PIK3C2G: variants seen among roughly 807,000 people sequenced by gnomAD.
PIK3C2G encodes phosphatidylinositol-4-phosphate 3-kinase catalytic subunit type 2 gamma, also known as phosphatidylinositol 3-kinase C2 domain-containing subunit gamma.
In PIK3C2G, 168 loss-of-function variants were observed where a neutral mutation model predicts 181.1. The ratio of observed to expected loss-of-function variants is 0.93; its 90% confidence interval spans 0.82 to 1.05. The LOEUF is 1.05. Ranked by LOEUF, PIK3C2G falls within the 50% of genes least tolerant of loss-of-function variation. PIK3C2G has a pLI of 0.00. For missense variants in PIK3C2G, 1,869 were observed against 1,732.8 expected, an observed-to-expected ratio of 1.08 and a Z score of -1.40; for synonymous variants, 573 against 592.2, an observed-to-expected ratio of 0.97 and a Z score of 0.47.
At chr12:18,374,832 G>A (rs1011839306) in intron 13 of PIK3C2G, among the ~76,000 whole-genome samples, 2 of 152,048 alleles carry the variant, frequency 1.3e-5, no homozygotes, top group Non-Finnish European at 2.9e-5. Context: ...GGAAGTGTGT[G>A]GCACCTCCTC....
At chr12:18,542,859 G>T (rs1404906881) in intron 25 of PIK3C2G, among the ~76,000 whole-genome samples, 2 of 151,922 alleles carry the variant, frequency 1.3e-5, no homozygotes, top group African/African-American at 4.8e-5. Context: ...AAATAGTGCT[G>T]CAGTGAACAT....
chr12:18,443,003 C>G (rs1312406932), intron 18 of PIK3C2G, among the ~76,000 whole-genome samples: 1 of 152,070 alleles, frequency 6.6e-6, no homozygotes, highest in Non-Finnish European at 1.5e-5. Flanking sequence ...TCCCACGTAG[C>G]TGGGATTACA....
intron 16 of PIK3C2G, among the ~76,000 whole-genome samples, chr12:18,410,042 C>T (rs941343562): frequency 6.6e-6 from 1 of 152,170 alleles, no homozygotes; most frequent in Non-Finnish European, 1.5e-5. Context: ...CAAGGCCCTA[C>T]CTCCAGCACA....
At chr12:18,693,325 C>T in the PIK3C2G span, 3 of 1,546,680 alleles carry the variant, frequency 1.9e-6, no homozygotes, top group Middle Eastern at 4.0e-4. Context: ...CCCCAAGAGA[C>T]CTATGCAGAT....
intron 31 of PIK3C2G, among the ~76,000 whole-genome samples, chr12:18,617,601 A>G (rs1261965257): frequency 6.6e-6 from 1 of 152,180 alleles, no homozygotes; most frequent in Non-Finnish European, 1.5e-5. Context: ...AGATTGTATT[A>G]TAGCATTAGC....
At chr12:18,467,909 A>G (rs1390572432) in intron 18 of PIK3C2G, among the ~76,000 whole-genome samples, 1 of 152,038 alleles carries the variant, frequency 6.6e-6, no homozygotes, top group Non-Finnish European at 1.5e-5. Context: ...TCATGATACC[A>G]TTATTATAAT....
chr12:18,713,217 A>G, the PIK3C2G span, among the ~76,000 whole-genome samples: 2 of 152,016 alleles, frequency 1.3e-5, no homozygotes, highest in Admixed American at 6.6e-5. Context: ...TCGCTAGTCA[A>G]ATGTTTTACT....
intron 31 of PIK3C2G, among the ~76,000 whole-genome samples, chr12:18,610,049 T>C (rs1487073465): frequency 6.6e-6 from 1 of 152,066 alleles, no homozygotes; most frequent in Non-Finnish European, 1.5e-5. Flanking sequence ...AATCTGTAGT[T>C]AGCCTCCAAA....
chr12:18,639,033 T>A (rs1283404580), intron 31 of PIK3C2G, among the ~76,000 whole-genome samples: 1 of 151,846 alleles, frequency 6.6e-6, no homozygotes, highest in Non-Finnish European at 1.5e-5. Context: ...ATTATACCAT[T>A]GATAGATTTC....
intron 18 of PIK3C2G, among the ~76,000 whole-genome samples, chr12:18,456,134 C>T (rs905947335): frequency 6.6e-6 from 1 of 152,066 alleles, no homozygotes; most frequent in African/African-American, 2.4e-5. Context: ...AGTTTACTGA[C>T]CTATTTAAAG....
At chr12:18,411,492 A>G in intron 16 of PIK3C2G, among the ~76,000 whole-genome samples, 1 of 152,190 alleles carries the variant, frequency 6.6e-6, no homozygotes, top group East Asian at 1.9e-4. Flanking sequence ...TCATCTTAAA[A>G]AAATCCTATT....
At chr12:18,353,631 TA>T (rs2137721424) in intron 11 of PIK3C2G, among the ~76,000 whole-genome samples, 2 of 152,268 alleles carry the variant, frequency 1.3e-5, no homozygotes, top group African/African-American at 2.4e-5. Context: ...ATCTCTACTG[TA>T]AAAACCGAGT....
intron 11 of PIK3C2G, among the ~76,000 whole-genome samples, chr12:18,353,036 C>A (rs1940378800): frequency 6.6e-6 from 1 of 152,172 alleles, no homozygotes; most frequent in African/African-American, 2.4e-5. Context: ...CATGTTCTCA[C>A]TTTGGGCCGC....
At chr12:18,642,743 A>G (rs1949905293) in intron 32 of PIK3C2G, among the ~76,000 whole-genome samples, 1 of 151,632 alleles carries the variant, frequency 6.6e-6, no homozygotes, top group African/African-American at 2.4e-5. Context: ...GTTACCTCTA[A>G]AATGATGTGT....
At chr12:18,542,916 T>C (rs906161274) in intron 25 of PIK3C2G, among the ~76,000 whole-genome samples, 2 of 152,012 alleles carry the variant, frequency 1.3e-5, no homozygotes, top group Admixed American at 6.6e-5. Flanking sequence ...CACAATGAGA[T>C]TGCTGTGTCT....
At chr12:18,683,317 A>T in the PIK3C2G span, 1 of 1,612,432 alleles carries the variant, frequency 6.2e-7, no homozygotes, top group Non-Finnish European at 8.5e-7. Context: ...GAGGAATACG[A>T]CGATAACCTG....
At chr12:18,602,356 C>A (rs907183596) in intron 30 of PIK3C2G, among the ~76,000 whole-genome samples, 1 of 151,838 alleles carries the variant, frequency 6.6e-6, no homozygotes, top group Non-Finnish European at 1.5e-5. Context: ...ACGCCCACCC[C>A]CCACAGCAGT....
intron 1 of PIK3C2G, among the ~76,000 whole-genome samples, chr12:18,251,748 T>A (rs1396293274): frequency 2.6e-5 from 4 of 152,068 alleles, no homozygotes; most frequent in Non-Finnish European, 5.9e-5. Flanking sequence ...AATTAAGGCT[T>A]TTCTATCATC....
chr12:18,649,415 T>C (rs1465398553), downstream of PIK3C2G, among the ~76,000 whole-genome samples: 3 of 152,190 alleles, frequency 2.0e-5, no homozygotes, highest in Non-Finnish European at 4.4e-5. Flanking sequence ...GCTATTGAAA[T>C]CCTCTTCTAC....
Sources: gnomAD v4.1 joint callset for allele counts (sites outside exome capture counted in the v4.1 genomes callset) on GRCh38, gnomAD v4.1.1 for gene constraint, MANE v1.5 for transcripts, NCBI Gene and HGNC (gene_info 2026-07-23, HGNC 2026-07-21) for gene names.